The following THSD7B variants were observed in gnomAD, a reference collection of about 807,000 sequenced individuals.
THSD7B encodes thrombospondin type 1 domain containing 7B, also known as thrombospondin type-1 domain-containing protein 7B.
A neutral mutation model predicts 213.6 loss-of-function variants in THSD7B; 138 were observed. The observed-to-expected ratio is 0.65, with a 90% confidence interval of 0.56 to 0.74. The LOEUF is 0.74. Ranked by LOEUF, THSD7B falls within the 30% of genes least tolerant of loss-of-function variation. THSD7B has a pLI of 0.00. For synonymous variants in THSD7B, 742 were observed against 687.0 expected, an observed-to-expected ratio of 1.08 and a Z score of -1.25; for missense variants, 1,931 against 1,991.5, an observed-to-expected ratio of 0.97 and a Z score of 0.58.
chr2:136,936,856 C>A (rs1684743066), intron 2 of THSD7B, among the ~76,000 whole-genome samples: 1 of 152,008 alleles, frequency 6.6e-6, no homozygotes. Flanking sequence ...TAACATTTCT[C>A]CTTTCCCTCA....
At chr2:137,066,176 T>C (rs1302723847) in intron 3 of THSD7B, among the ~76,000 whole-genome samples, 1 of 150,856 alleles carries the variant, frequency 6.6e-6, no homozygotes, top group African/African-American at 2.4e-5. Context: ...GAATTTAGGT[T>C]GATGAGTTTT....
At chr2:137,113,311 G>C (rs1172175125) in intron 4 of THSD7B, among the ~76,000 whole-genome samples, 2 of 152,210 alleles carry the variant, frequency 1.3e-5, no homozygotes, top group Admixed American at 1.3e-4. Flanking sequence ...TCTGTGAGGA[G>C]AAAGGGTTTC....
chr2:136,874,801 A>C (rs1219803308), intron 1 of THSD7B, among the ~76,000 whole-genome samples: 5 of 152,226 alleles, frequency 3.3e-5, no homozygotes, highest in Non-Finnish European at 7.3e-5. Flanking sequence ...TAAGATATAT[A>C]GTAAAGAAGA....
At chr2:137,621,135 G>A (rs1342976723) in intron 20 of THSD7B, among the ~76,000 whole-genome samples, 1 of 152,158 alleles carries the variant, frequency 6.6e-6, no homozygotes, top group Admixed American at 6.5e-5. Context: ...CATAAAGAGA[G>A]GGCTTTATGC....
chr2:137,673,352 T>C (rs544684915), intron 27 of THSD7B, among the ~76,000 whole-genome samples: 1 of 152,180 alleles, frequency 6.6e-6, no homozygotes, highest in Non-Finnish European at 1.5e-5. Flanking sequence ...GCTATGGCTG[T>C]CAAGAGTGCT....
At chr2:137,036,707 TG>T (rs2104857518) in intron 2 of THSD7B, among the ~76,000 whole-genome samples, 1 of 152,324 alleles carries the variant, frequency 6.6e-6, no homozygotes, top group African/African-American at 2.4e-5. Context: ...GGAATATTGC[TG>T]AAAGGGTATC....
intron 1 of THSD7B, among the ~76,000 whole-genome samples, chr2:136,858,913 G>C (rs1398778363): frequency 6.6e-6 from 1 of 152,164 alleles, no homozygotes. Flanking sequence ...AACCATAATG[G>C]GAGTGACAGC....
intron 2 of THSD7B, among the ~76,000 whole-genome samples, chr2:136,980,055 C>A (rs1685548668): frequency 6.6e-6 from 1 of 152,040 alleles, no homozygotes; most frequent in Non-Finnish European, 1.5e-5. Context: ...GGGGTTCACT[C>A]CATACCCTAT....
intron 7 of THSD7B, among the ~76,000 whole-genome samples, chr2:137,182,919 A>T (rs1381672703): frequency 1.3e-5 from 2 of 152,134 alleles, no homozygotes. Flanking sequence ...ATAGATGCTG[A>T]TTTCATCTAT....
chr2:136,959,263 C>T (rs13400178), intron 2 of THSD7B, among the ~76,000 whole-genome samples: 7 of 152,154 alleles, frequency 4.6e-5, no homozygotes, highest in Non-Finnish European at 1.0e-4. Context: ...TGTGTCAAGA[C>T]TTCCTTGACT....
At chr2:137,034,010 CATT>C (rs900927238) in intron 2 of THSD7B, among the ~76,000 whole-genome samples, 7 of 150,000 alleles carry the variant, frequency 4.7e-5, no homozygotes. Context: ...CAAGTGTTCT[CATT>C]GTTGAGTTCC....
chr2:137,098,602 AAAATC>A (rs1459143927), intron 4 of THSD7B, among the ~76,000 whole-genome samples: 3 of 152,198 alleles, frequency 2.0e-5, no homozygotes, highest in African/African-American at 7.2e-5. Context: ...AGGAGGTAGG[AAAATC>A]AAAGAAGTAA....
intron 13 of THSD7B, among the ~76,000 whole-genome samples, chr2:137,408,104 G>A (rs1295298293): frequency 6.6e-6 from 1 of 151,990 alleles, no homozygotes; most frequent in Admixed American, 6.6e-5. Flanking sequence ...AAGGATCACT[G>A]ATAATTTGTT....
intron 1 of THSD7B, among the ~76,000 whole-genome samples, chr2:136,784,955 T>C (rs1019258680): frequency 2.0e-5 from 3 of 152,114 alleles, no homozygotes; most frequent in Non-Finnish European, 4.4e-5. Context: ...TGGCAGAAAA[T>C]GTAATCTGAG....
intron 7 of THSD7B, among the ~76,000 whole-genome samples, chr2:137,194,563 G>T (rs1211845262): frequency 6.6e-6 from 1 of 152,178 alleles, no homozygotes; most frequent in Non-Finnish European, 1.5e-5. Context: ...TTCCTTCAAA[G>T]AACAAGTGTA....
intron 1 of THSD7B, among the ~76,000 whole-genome samples, chr2:136,782,080 G>A (rs1025427148): frequency 6.6e-6 from 1 of 152,186 alleles, no homozygotes; most frequent in Middle Eastern, 3.2e-3. Flanking sequence ...CATGTGTAAA[G>A]TGGTTAAGAA....
intron 5 of THSD7B, among the ~76,000 whole-genome samples, chr2:137,146,203 G>A (rs1235443119): frequency 6.6e-6 from 1 of 152,036 alleles, no homozygotes; most frequent in Admixed American, 6.6e-5. Context: ...ATTGGCTAAA[G>A]TATTATCTTT....
At chr2:137,672,417 T>C (rs1196580423) in intron 27 of THSD7B, among the ~76,000 whole-genome samples, 2 of 152,204 alleles carry the variant, frequency 1.3e-5, no homozygotes, top group Non-Finnish European at 1.5e-5. Flanking sequence ...TTTCTTTCTC[T>C]TGAGTGATGC....
intron 2 of THSD7B, among the ~76,000 whole-genome samples, chr2:137,055,796 C>G (rs1687151814): frequency 6.6e-6 from 1 of 152,168 alleles, no homozygotes. Context: ...CCCCTGCACC[C>G]CATTGTTATT....
Sources: allele counts gnomAD v4.1 joint callset (sites outside exome capture counted in the v4.1 genomes callset), GRCh38; gene constraint gnomAD v4.1.1; transcripts MANE v1.5; gene names NCBI Gene and HGNC (gene_info 2026-07-23, HGNC 2026-07-21).